The following PDXP variants were observed in gnomAD, a reference collection of about 807,000 sequenced individuals.
The protein encoded by PDXP is pyridoxal phosphatase, also known as chronophin.
In PDXP, 15 loss-of-function variants were observed where a neutral mutation model predicts 14.4. The ratio of observed to expected loss-of-function variants is 1.04; its 90% CI spans 0.70 to 1.60. The LOEUF (loss-of-function observed/expected upper bound fraction) is 1.60, where lower values mean the gene tolerates loss of function less well. Among genes scored for constraint, PDXP ranks in the 40% most tolerant of loss-of-function variants. The pLI, the probability that PDXP is intolerant of heterozygous loss-of-function variation, is 0.00. For synonymous variants in PDXP, 233 were observed against 205.6 expected (o/e 1.13, Z -1.14); for missense variants, 413 against 427.6 (o/e 0.97, Z 0.30).
rs763030330 is a variant in PDXP, at chr22:37,661,917, A to ATT, written c.574+2602_574+2603dup. On this transcript the variant is annotated intron_variant, in intron 1 of 1. Transcript: ENST00000215904. ...CTTTTATTCTCTCTCTTTTTCTTTA[A>ATT]TTTTTTTTTTTTTTTTTTTTTTTTT... is the stretch of plus-strand genomic sequence containing the variant. Among the ~76,000 whole-genome samples the ATT allele has an allele frequency of 2.8e-3, 196 of 71,176 alleles. 12 individuals carry two copies. The highest frequency in any genetic ancestry group is 3.2e-3 in the African/African-American group (54 of 16,616). The allele number at this position is 71,176 out of a possible 152,430, so 46.7% of individuals were successfully genotyped here. A position where few individuals can be genotyped will look rare whatever the true frequency, so the allele number is the denominator to read the frequency against.
chr22:37,661,354 T>TG (rs1028654093), intron 1 of PDXP, among the ~76,000 whole-genome samples: 3 of 80,854 alleles, frequency 3.7e-5, no homozygotes, highest in Non-Finnish European at 6.8e-5. Flanking sequence ...GTGGTGTGTG[T>TG]GTGTGGTGTG....
chr22:37,662,410 C>A (rs547723052), intron 1 of PDXP, among the ~76,000 whole-genome samples: 1 of 152,140 alleles, frequency 6.6e-6, no homozygotes, highest in East Asian at 1.9e-4. Context: ...TGGGGTCAGA[C>A]CAGTGGTGCG....
chr22:37,666,021 G>A lies in PDXP; in HGVS notation c.*150G>A, dbSNP rs1253675840. On this transcript the variant is annotated 3_prime_UTR_variant, in exon 2 of 2. Coordinates refer to ENST00000215904, the MANE Select transcript of PDXP (RefSeq NM_020315.5). The stretch of plus-strand genomic sequence containing the variant: ...GCTGGGACCCGGGGAAGGTTTGAGG[G>A]CCCTTGCAACCCCCTCCCAGCAGTG... The A allele has an allele frequency of 1.3e-6, 1 of 780,744 alleles. No individual in the cohort carries two copies. The highest frequency in any genetic ancestry group is 2.1e-6 in the Non-Finnish European group (1 of 485,314). 48.4% of individuals were successfully genotyped at this position (780,744 alleles called of 1,614,324 possible). A position where few individuals can be genotyped will look rare whatever the true frequency, so the allele number is the denominator to read the frequency against.
At chr22:37,659,407 G>A (rs1475122194) in intron 1 of PDXP, 51 bp downstream of exon 1, 2 of 1,229,192 alleles carry the variant, frequency 1.6e-6, no homozygotes. Context: ...CTGCGCATTC[G>A]CCTCCACGCC....
Position 37,659,061 on chromosome 22 carries a change from G to A in PDXP, c.279G>A (p.Ala93=), listed in dbSNP as rs1290329836. The A allele has an allele frequency of 1.2e-5, 13 of 1,118,124 alleles. No individual in the cohort carries two copies. The highest frequency in any genetic ancestry group is 9.6e-5 in the East Asian group (2 of 20,868). The allele number at this position is 1,118,124 out of a possible 1,614,324, so 69.3% of individuals were successfully genotyped here. ...TCTTCAGCTCCGCGCTGTGCGCCGC[G>A]CGCCTGCTGCGCCAGCGCCTGCCCG... ...EQLFSSALCA[A]RLLRQRLPGP... is the part of the protein sequence containing the mutation. The change falls in exon 1 of 2, where the codon GCG becomes GCA. Residue 93 remains alanine (A), a synonymous_variant. Coordinates refer to ENST00000215904, the MANE Select transcript of PDXP (RefSeq NM_020315.5).
At chr22:37,664,474 G>C (rs879669273) in intron 1 of PDXP, among the ~76,000 whole-genome samples, 2 of 152,154 alleles carry the variant, frequency 1.3e-5, no homozygotes, top group Non-Finnish European at 2.9e-5. Context: ...GTACTCCCAG[G>C]TCAGAGCTGG....
At chr22:37,660,293 G>C (rs1310582836) in intron 1 of PDXP, among the ~76,000 whole-genome samples, 2 of 152,184 alleles carry the variant, frequency 1.3e-5, no homozygotes, top group Admixed American at 6.5e-5. Flanking sequence ...CCACACACCT[G>C]CCTCCATCCT....
At chr22:37,664,270 A>ATATT (rs34727063) in intron 1 of PDXP, among the ~76,000 whole-genome samples, 70,616 of 149,700 alleles carry the variant, frequency 0.47, 16,998 homozygotes, top group African/African-American at 0.59. Context: ...ATATATATGT[A>ATATT]TATTTAAGTA....
At chr22:37,660,255 A>G (rs1933176325) in intron 1 of PDXP, among the ~76,000 whole-genome samples, 1 of 152,212 alleles carries the variant, frequency 6.6e-6, no homozygotes. Flanking sequence ...AAGAACAGAT[A>G]TAGTGAGCCC....
chr22:37,664,804 T>C (rs997920925), intron 1 of PDXP: 1 of 152,646 alleles, frequency 6.6e-6, no homozygotes, highest in African/African-American at 2.4e-5. Context: ...AGTCCTCCTA[T>C]TGTTGGACAC....
At position 37,659,002 on chromosome 22, in the gene PDXP, C is replaced by T. The variant is rs1933141210; in HGVS notation, c.220C>T (p.Arg74Cys). Residue 74 changes from arginine to cysteine, a missense_variant, in exon 1 of 2, where the codon CGC becomes TGC. By Grantham distance (180) the Arg-to-Cys change is radical. Coordinates refer to ENST00000215904, the MANE Select transcript of PDXP (RefSeq NM_020315.5). The stretch of plus-strand genomic sequence containing the variant: ...GCCCGAGCTGGCCCTGCGCTTCGCG[C>T]GCCTCGGCTTCGGGGGGCTGCGCGC... The part of the protein sequence containing the change: ...ARPELALRFA[R>C]LGFGGLRAEQ... 8.4e-7 allele frequency: 1 copy of T among 1,196,466 alleles called. No homozygotes were observed. Among genetic ancestry groups the T allele is most frequent in the South Asian group, 3.1e-5 (1 of 31,946 alleles). The allele number at this position is 1,196,466 out of a possible 1,614,324, so 74.1% of individuals were successfully genotyped here. A position where few individuals can be genotyped will look rare whatever the true frequency, so the allele number is the denominator to read the frequency against.
intron 1 of PDXP, among the ~76,000 whole-genome samples, chr22:37,664,233 C>T (rs1452469081): frequency 7.1e-6 from 1 of 140,058 alleles, no homozygotes; most frequent in Admixed American, 7.0e-5. Context: ...GCCCAGCCAG[C>T]TTTTCTTTTT....
Position 37,665,873 on chromosome 22 carries a change from C to G in PDXP, c.*2C>G, listed in dbSNP as rs1490971519. 2 of 1,608,536 alleles carry G rather than the reference C, an allele frequency of 1.2e-6. No individual in the cohort carries two copies. The highest frequency in any genetic ancestry group is 1.7e-6 in the Non-Finnish European group (2 of 1,176,080). ...TTGACAGAGGGGTTGGAGGACTGAGCCCACTGCACCTGCAGCCACAGGCCC... is the reference window on the plus strand; with the variant it reads ...TTGACAGAGGGGTTGGAGGACTGAGGCCACTGCACCTGCAGCCACAGGCCC... On this transcript the variant is annotated 3_prime_UTR_variant, in exon 2 of 2. Transcript: ENST00000215904.
intron 1 of PDXP, among the ~76,000 whole-genome samples, chr22:37,659,988 T>C (rs1933170148): frequency 6.6e-6 from 1 of 152,190 alleles, no homozygotes; most frequent in African/African-American, 2.4e-5. Context: ...TCCAAATTAC[T>C]CTGGAGATGG....
chr22:37,659,097 C>T lies in PDXP; in HGVS notation c.315C>T (p.Asp105=). ...GCCAGCGCCTGCCCGGGCCTCCGGACGCGCCGGGCGCCGTGTTCGTGCTGG... is the reference window on the plus strand; with the variant it reads ...GCCAGCGCCTGCCCGGGCCTCCGGATGCGCCGGGCGCCGTGTTCGTGCTGG... ...LLRQRLPGPP[D]APGAVFVLGG... Residue 105 remains aspartate, a synonymous_variant, in exon 1 of 2, where the codon GAC becomes GAT. Coordinates refer to ENST00000215904, the MANE Select transcript of PDXP (RefSeq NM_020315.5). The T allele has an allele frequency of 2.9e-6, 3 of 1,048,956 alleles. No individual in the cohort carries two copies. Among genetic ancestry groups the T allele is most frequent in the Non-Finnish European group, 3.4e-6 (3 of 873,262 alleles). 65.0% of individuals were successfully genotyped at this position (1,048,956 alleles called of 1,614,324 possible).
chr22:37,666,756 G>C lies in PDXP; in HGVS notation c.*885G>C, dbSNP rs767152969. On this transcript the variant is annotated 3_prime_UTR_variant, in exon 2 of 2. Coordinates refer to ENST00000215904, the MANE Select transcript of PDXP (RefSeq NM_020315.5). ...GGCCACAGCTCGAAGGGGGGCTTTC[G>C]TGTCCCCCTGTGCGGTCAGTGTTTT... 1.2e-5 allele frequency: 2 copies of C among 167,108 alleles called. No homozygotes were observed. Among genetic ancestry groups the C allele is most frequent in the African/African-American group, 2.4e-5 (1 of 41,454 alleles). The allele number at this position is 167,108 out of a possible 1,614,324, so 10.4% of individuals were successfully genotyped here. A position where few individuals can be genotyped will look rare whatever the true frequency, so the allele number is the denominator to read the frequency against.
intron 1 of PDXP, among the ~76,000 whole-genome samples, chr22:37,661,487 C>T (rs915460813): frequency 2.0e-5 from 3 of 152,160 alleles, no homozygotes; most frequent in African/African-American, 7.2e-5. Flanking sequence ...TTTATCTTGT[C>T]ACCACATGGC....
Position 37,658,915 on chromosome 22 carries a change from G to C in PDXP, c.133G>C (p.Glu45Gln). 8.2e-7 allele frequency: 1 copy of C among 1,225,226 alleles called. No individual in the cohort carries two copies. 75.9% of individuals were successfully genotyped at this position (1,225,226 alleles called of 1,614,324 possible). ...CGTGCCGGGCGCCCCGGAGCTGCTG[G>C]AGCGGCTGGCGCGGGCCGGCAAGGC... Reference protein sequence around the residue: ...RAVPGAPELLERLARAGKAAL... With the variant: ...RAVPGAPELLQRLARAGKAAL... Residue 45 changes from glutamate to glutamine, a missense_variant, in exon 1 of 2, where the codon GAG becomes CAG. By Grantham distance (29) the Glu-to-Gln change is conservative. Transcript: ENST00000215904.
Position 37,666,094 on chromosome 22 carries a change from C to G in PDXP, c.*223C>G, listed in dbSNP as rs1248559353. The stretch of plus-strand genomic sequence containing the variant: ...AGAAGCTGGTCCCCTATGGATTCAT[C>G]TTGGCCTGACCCAGCCAGGTGGCCT... On this transcript the variant is annotated 3_prime_UTR_variant, in exon 2 of 2. Transcript: ENST00000215904. 1.7e-6 allele frequency: 1 copy of G among 604,012 alleles called. No individual in the cohort carries two copies. Among genetic ancestry groups the G allele is most frequent in the African/African-American group, 1.9e-5 (1 of 53,684 alleles). The allele number at this position is 604,012 out of a possible 1,614,324, so 37.4% of individuals were successfully genotyped here.
Sources: allele counts gnomAD v4.1 joint callset (sites outside exome capture counted in the v4.1 genomes callset), GRCh38; gene constraint gnomAD v4.1.1; transcripts MANE v1.5; gene names NCBI Gene and HGNC (gene_info 2026-07-23, HGNC 2026-07-21).